TFIP11: variants seen among roughly 807,000 people sequenced by gnomAD.
TFIP11 encodes tuftelin-interacting protein 11.
In TFIP11, 86 loss-of-function variants were observed where a neutral mutation model predicts 96.8. That is an observed-to-expected ratio of 0.89 (90% CI 0.75 to 1.06). TFIP11 has a LOEUF of 1.06. Among genes scored for constraint, TFIP11 ranks in the 50% least tolerant of loss-of-function variants. TFIP11 has a pLI of 0.00. For synonymous variants in TFIP11, 405 were observed against 395.2 expected, an observed-to-expected ratio of 1.02 and a Z score of -0.29; for missense variants, 881 against 1,076.7, an observed-to-expected ratio of 0.82 and a Z score of 2.54.
chr22:26,507,199 G>A (rs968923019), intron 4 of TFIP11, among the ~76,000 whole-genome samples: 1 of 152,080 alleles, frequency 6.6e-6, no homozygotes, highest in African/African-American at 2.4e-5. Flanking sequence ...TTCAAAATAT[G>A]ATGTGATAAT....
Position 26,496,310 on chromosome 22 carries a change from T to A in TFIP11, c.1612A>T (p.Asn538Tyr). 1.3e-6 allele frequency: 2 copies of A among 1,594,628 alleles called. No homozygotes were observed. The highest frequency in any genetic ancestry group is 1.1e-5 in the South Asian group (1 of 89,886). ...ACAGTGTCTGTGAGCGGGTTCCAGT[T>A]TTCCACCTGCGAAGTGGGGAGGAGA... ...IFPKLQKEVE[N>Y]WNPLTDTVPI... The change falls in exon 12 of 15, where the codon AAC (asparagine) becomes TAC (tyrosine). Residue 538 changes from asparagine (N) to tyrosine (Y), a missense_variant. Transcript: ENST00000407690.
At chr22:26,509,259 A>G (rs552920331) in intron 4 of TFIP11, among the ~76,000 whole-genome samples, 6 of 152,096 alleles carry the variant, frequency 3.9e-5, no homozygotes, top group South Asian at 2.1e-4. Flanking sequence ...GCTTCCCATC[A>G]AGGGCCTTTG....
intron 6 of TFIP11, 74 bp downstream of exon 6, chr22:26,506,229 C>T (rs1156481878): frequency 5.5e-6 from 8 of 1,457,698 alleles, no homozygotes; most frequent in Non-Finnish European, 7.3e-6. Flanking sequence ...GAAAAGCAAA[C>T]CTCCTCTCCC....
Position 26,506,331 on chromosome 22 carries a change from A to G in TFIP11, c.492T>C (p.Pro164=), listed in dbSNP as rs762717884. ...GTGCATTCTTCCCGAGGCCCCGTCC[A>G]GGGACGTAGCCCATCTTCTGAAGAA... ...QKLLQKMGYV[P]GRGLGKNAQG... Residue 164 remains proline, a synonymous_variant, in exon 6 of 15, where the codon CCT becomes CCC. Transcript: ENST00000407690. 4.3e-6 allele frequency: 7 copies of G among 1,611,804 alleles called. No individual in the cohort carries two copies. The South Asian group carries it at 7.7e-5, about 18-fold the overall frequency.
At position 26,492,271 on chromosome 22, in the gene TFIP11, C is replaced by G. The variant is rs1230502472; in HGVS notation, c.2256G>C (p.Arg752=). 6.2e-7 allele frequency: 1 copy of G among 1,614,238 alleles called. No homozygotes were observed. The highest frequency in any genetic ancestry group is 1.1e-5 in the South Asian group (1 of 91,092). ...CCCTCTGAGCCATGTTCTCAGCCTCCCGCCTCTCCTGCATGGCCTCGTACT... is the reference window on the plus strand; with the variant it reads ...CCCTCTGAGCCATGTTCTCAGCCTCGCGCCTCTCCTGCATGGCCTCGTACT... The part of the protein sequence containing the change: ...DFQYEAMQER[R]EAENMAQRGI... The change falls in exon 15 of 15, where the codon CGG becomes CGC. Residue 752 remains arginine, a synonymous_variant. Transcript: ENST00000407690.
At position 26,499,582 on chromosome 22, in the gene TFIP11, T is replaced by C; in HGVS notation, c.851A>G (p.Gln284Arg). The C allele has an allele frequency of 6.2e-7, 1 of 1,614,070 alleles. No homozygotes were observed. Among genetic ancestry groups the C allele is most frequent in the South Asian group, 1.1e-5 (1 of 91,080 alleles). Reference sequence around the variant, plus strand: ...GGGAACGTTGTGCTTGTGGCTGATCTGACTGTAGCTGTAGTAGACCTTCTG... The same window carrying C: ...GGGAACGTTGTGCTTGTGGCTGATCCGACTGTAGCTGTAGTAGACCTTCTG... ...REQKVYYSYS[Q>R]ISHKHNVPDD... The change falls in exon 9 of 15, where the codon CAG becomes CGG. Residue 284 changes from glutamine (Q) to arginine (R), a missense_variant. Gln to Arg is a conservative substitution (Grantham distance 43, BLOSUM62 1). Coordinates refer to ENST00000407690, the MANE Select transcript of TFIP11 (RefSeq NM_012143.4).
Position 26,501,944 on chromosome 22 carries a change from T to C in TFIP11, c.757A>G (p.Ser253Gly). Residue 253 changes from serine to glycine, a missense_variant, in exon 8 of 15, where the codon AGC becomes GGC. By Grantham distance (56) the Ser-to-Gly change is moderately conservative. Coordinates refer to ENST00000407690, the MANE Select transcript of TFIP11 (RefSeq NM_012143.4). ...TTCTGGGGAGCAGTGAGCTTCTTGC[T>C]AATCCTGCCCTTGGCCTTCAACTCT... ...VEELKAKGRI[S>G]KKLTAPQKEL... 1 of 1,613,966 alleles carries C rather than the reference T, an allele frequency of 6.2e-7. No individual in the cohort carries two copies. Among genetic ancestry groups the C allele is most frequent in the South Asian group, 1.1e-5 (1 of 91,068 alleles).
At chr22:26,504,594 G>A (rs1923184811) in intron 6 of TFIP11, among the ~76,000 whole-genome samples, 1 of 152,070 alleles carries the variant, frequency 6.6e-6, no homozygotes, top group South Asian at 2.1e-4. Context: ...GAGCCCAGGA[G>A]GTTGAGGCTG....
chr22:26,496,141 G>C lies in TFIP11; in HGVS notation c.1781C>G (p.Pro594Arg). The change falls in exon 12 of 15, where the codon CCC (proline) becomes CGC (arginine). Residue 594 changes from proline to arginine, a missense_variant. Pro to Arg is a moderately radical substitution (Grantham distance 103). Coordinates refer to ENST00000407690, the MANE Select transcript of TFIP11 (RefSeq NM_012143.4). ...SDSSAKLILQ[P>R]WKDVFTPGSW... ...GCCAGGAGTGAAGACATCCTTCCAG[G>C]GCTGGAGGATGAGCTTGGCAGAGGA... is the stretch of plus-strand genomic sequence containing the variant. 1 of 1,613,944 alleles carries C rather than the reference G, an allele frequency of 6.2e-7. No individual in the cohort carries two copies. Among genetic ancestry groups the C allele is most frequent in the Admixed American group, 1.7e-5 (1 of 60,014 alleles).
intron 2 of TFIP11, chr22:26,511,197 T>G (rs951993550): frequency 6.6e-6 from 1 of 152,442 alleles, no homozygotes; most frequent in Non-Finnish European, 1.5e-5. Flanking sequence ...GCTGAAGAAC[T>G]TGAAGTCCAA....
In TFIP11 at chr22:26,501,759, A is replaced by C. The variant is rs1490651743; in HGVS notation, c.801+141T>G. On this transcript the variant is annotated intron_variant, in intron 8 of 14. Coordinates refer to ENST00000407690, the MANE Select transcript of TFIP11 (RefSeq NM_012143.4). Reference sequence around the variant, plus strand: ...GCATGTTCCTATTCATTACACTCCTATAAATAAGTGAGAAAAGCAAGGTAC... The same window carrying C: ...GCATGTTCCTATTCATTACACTCCTCTAAATAAGTGAGAAAAGCAAGGTAC... The C allele has an allele frequency of 7.4e-6, 5 of 680,158 alleles. No individual in the cohort carries two copies. The African/African-American group carries it at 9.4e-5, about 13-fold the overall frequency. The allele number at this position is 680,158 out of a possible 1,614,324, so 42.1% of individuals were successfully genotyped here.
At chr22:26,500,990 TCTC>T (rs1922720434) in intron 8 of TFIP11, among the ~76,000 whole-genome samples, 1 of 151,210 alleles carries the variant, frequency 6.6e-6, no homozygotes, top group African/African-American at 2.4e-5. Flanking sequence ...TAAATGCCAT[TCTC>T]CTGCCTCAGC....
chr22:26,494,997 C>T, intron 12 of TFIP11, 58 bp from the exon 13 acceptor site: 7 of 1,603,390 alleles, frequency 4.4e-6, no homozygotes, highest in Non-Finnish European at 6.0e-6. Context: ...GCCAAAGAAG[C>T]ACAAAGAGCA....
intron 2 of TFIP11, among the ~76,000 whole-genome samples, chr22:26,511,509 G>A (rs961134440): frequency 2.6e-5 from 4 of 152,150 alleles, no homozygotes; most frequent in Non-Finnish European, 4.4e-5. Flanking sequence ...ATGGGACTAG[G>A]GAGTAAACTT....
intron 12 of TFIP11, 87 bp from the exon 13 acceptor site, chr22:26,495,026 A>G (rs1921747433): frequency 1.9e-6 from 3 of 1,566,812 alleles, no homozygotes; most frequent in Non-Finnish European, 2.6e-6. Flanking sequence ...GTCCGTTTTC[A>G]TCTCAGCTTA....
rs371449497 is a variant in TFIP11, at chr22:26,506,971, T to G, written c.210-43A>C. The G allele has an allele frequency of 3.8e-6, 6 of 1,598,026 alleles. No homozygotes were observed. The African/African-American group carries it at 8.1e-5, about 21-fold the overall frequency. On this transcript the variant is annotated intron_variant, in intron 4 of 14. Coordinates refer to ENST00000407690, the MANE Select transcript of TFIP11 (RefSeq NM_012143.4). ...AAGCCCCACCAGGTCGGTAAAGAAC[T>G]CTTTTCTCTGCAGCGATCCTTTTGC...
chr22:26,505,476 C>A (rs996910259), intron 6 of TFIP11, among the ~76,000 whole-genome samples: 3 of 152,086 alleles, frequency 2.0e-5, no homozygotes, highest in African/African-American at 7.2e-5. Context: ...GTAGGGATGG[C>A]AAACTCAAAT....
intron 6 of TFIP11, among the ~76,000 whole-genome samples, chr22:26,505,009 G>C (rs1923229806): frequency 6.6e-6 from 1 of 152,172 alleles, no homozygotes; most frequent in African/African-American, 2.4e-5. Flanking sequence ...CCAGGAGGTG[G>C]AAGTTGCAGA....
chr22:26,496,706 T>C lies in TFIP11; in HGVS notation c.1605+15A>G, dbSNP rs372315747. ...GATTAGTGATGACGACTGTTTCCCA[T>C]GACTCTCATCCCACCTCCTTTTGCA... On this transcript the variant is annotated intron_variant, in intron 11 of 14. Transcript: ENST00000407690. 1.0e-4 allele frequency: 161 copies of C among 1,611,828 alleles called. 1 individual carries two copies. The highest frequency in any genetic ancestry group is 1.3e-4 in the Non-Finnish European group (152 of 1,178,148).
Sources: allele counts gnomAD v4.1 joint callset (sites outside exome capture counted in the v4.1 genomes callset), GRCh38; gene constraint gnomAD v4.1.1; transcripts MANE v1.5; gene names NCBI Gene and HGNC (gene_info 2026-07-23, HGNC 2026-07-21).